Variants in R3HDM1 observed in about 807,000 individuals in gnomAD.
The protein encoded by R3HDM1 is R3H domain-containing protein 1.
Under a neutral mutation model 141.1 loss-of-function variants are expected in R3HDM1, and 46 were observed. That is an observed-to-expected ratio of 0.33 (90% CI 0.26 to 0.42). The LOEUF is 0.42. R3HDM1 is among the 10% of genes least tolerant of loss of function. The pLI is 1.00. For synonymous variants in R3HDM1, 435 were observed against 472.9 expected (o/e 0.92, Z 1.04); for missense variants, 1,184 against 1,368.3 (o/e 0.87, Z 2.12).
rs184447551 is a variant in R3HDM1, at chr2:135,702,436, G to A, written c.2460-6997G>A. On this transcript the variant is annotated intron_variant, in intron 21 of 26. Coordinates refer to ENST00000683871, the MANE Select transcript of R3HDM1 (RefSeq NM_001378107.1). ...AGCACTTTGGAAGGCCAAGGCTGGC[G>A]GATCACAAGGTCAGGAGATCGAGAC... Among the ~76,000 whole-genome samples the A allele has an allele frequency of 4.0e-3, 615 of 152,014 alleles. 4 individuals are homozygous for A. The highest frequency in any genetic ancestry group is 0.014 in the African/African-American group (583 of 41,454).
intron 26 of R3HDM1, among the ~76,000 whole-genome samples, chr2:135,722,780 C>T (rs576010882): frequency 2.0e-4 from 30 of 152,144 alleles, no homozygotes; most frequent in African/African-American, 6.0e-4. Flanking sequence ...ACAGAGGGGC[C>T]ACAGGGAAAT....
intron 1 of R3HDM1, among the ~76,000 whole-genome samples, chr2:135,556,923 C>T (rs1333497857): frequency 1.3e-5 from 2 of 152,040 alleles, no homozygotes; most frequent in African/African-American, 2.4e-5. Flanking sequence ...TTATCAGCTA[C>T]CTGTTTACCT....
In R3HDM1 at chr2:135,582,872, A is replaced by G. The variant is rs186413446; in HGVS notation, c.-249-19628A>G. Among the ~76,000 whole-genome samples the G allele has an allele frequency of 4.4e-3, 668 of 152,332 alleles. 4 individuals carry two copies. The highest frequency in any genetic ancestry group is 0.015 in the African/African-American group (634 of 41,558). Reference sequence around the variant, plus strand: ...AATGTTTTAAATTCTTAATAAATAAAAAATGCTGCAGTAAATATAGATCTT... The same window carrying G: ...AATGTTTTAAATTCTTAATAAATAAGAAATGCTGCAGTAAATATAGATCTT... On this transcript the variant is annotated intron_variant, in intron 1 of 26. Transcript: ENST00000683871.
At chr2:135,682,649 A>G (rs2070528113) in intron 21 of R3HDM1, among the ~76,000 whole-genome samples, 2 of 152,266 alleles carry the variant, frequency 1.3e-5, no homozygotes, top group South Asian at 4.1e-4. Context: ...CCTGCAGCAC[A>G]GAAATTAAAA....
chr2:135,622,835 A>G, intron 7 of R3HDM1, 103 bp downstream of exon 7: 1 of 1,359,364 alleles, frequency 7.4e-7, no homozygotes, highest in East Asian at 2.7e-5. Flanking sequence ...GATTGCAGAT[A>G]TTTGAAGTAC....
intron 4 of R3HDM1, 93 bp from the exon 5 acceptor site, chr2:135,616,575 A>AC (rs1333434107): frequency 9.5e-7 from 1 of 1,056,280 alleles, no homozygotes. Flanking sequence ...CATGGCAGAA[A>AC]CTATAAAGAA....
chr2:135,555,083 C>T (rs150274636), intron 1 of R3HDM1, among the ~76,000 whole-genome samples: 20 of 152,094 alleles, frequency 1.3e-4, no homozygotes, highest in African/African-American at 3.6e-4. Flanking sequence ...GGGCGGATCA[C>T]GAGGTCAAGA....
chr2:135,536,547 TTAGG>T (rs1372459356), intron 1 of R3HDM1: 1 of 927,272 alleles, frequency 1.1e-6, no homozygotes, highest in Non-Finnish European at 1.3e-6. Context: ...GCAAAAGAAA[TTAGG>T]TAGAGAAAAT....
At chr2:135,572,798 C>T (rs1210206916) in intron 1 of R3HDM1, among the ~76,000 whole-genome samples, 3 of 152,148 alleles carry the variant, frequency 2.0e-5, no homozygotes, top group African/African-American at 7.2e-5. Context: ...AAATGTGTAT[C>T]CATGAAATGG....
intron 19 of R3HDM1, chr2:135,669,613 AGTAAATTTTAGAATCAGACAGCTGTGT>A (rs1559391216): frequency 1.0e-6 from 1 of 969,578 alleles, no homozygotes; most frequent in Non-Finnish European, 1.2e-6. Flanking sequence ...TCCTCAAAAA[AGTAAATTTTAGAATCAGACAGCTGTGT>A]GCAGCTCTCA....
intron 1 of R3HDM1, among the ~76,000 whole-genome samples, chr2:135,601,717 C>T (rs564912951): frequency 1.3e-5 from 2 of 152,312 alleles, no homozygotes; most frequent in African/African-American, 2.4e-5. Context: ...GCCATCCAGA[C>T]TGGAGTGCAG....
chr2:135,637,142 G>GAAT (rs1345352744), intron 11 of R3HDM1, among the ~76,000 whole-genome samples: 1 of 152,150 alleles, frequency 6.6e-6, no homozygotes, highest in Non-Finnish European at 1.5e-5. Flanking sequence ...TGCCCTTGAT[G>GAAT]AATAGCCAAG....
intron 1 of R3HDM1, among the ~76,000 whole-genome samples, chr2:135,569,516 G>A (rs1468464129): frequency 6.6e-6 from 1 of 151,770 alleles, no homozygotes; most frequent in South Asian, 2.1e-4. Context: ...AGAGAAATAG[G>A]TAGTATATCA....
rs189288088 is a variant in R3HDM1 at position 135,693,333 on chromosome 2, A to G, written c.2459+13009A>G. ...TTTGCCTATAGGCCATAGTTTGCCAACTCCTGTACTAGATGGTTGATAGCC... is the reference window on the plus strand; with the variant it reads ...TTTGCCTATAGGCCATAGTTTGCCAGCTCCTGTACTAGATGGTTGATAGCC... On this transcript the variant is annotated intron_variant, in intron 21 of 26. Coordinates refer to ENST00000683871, the MANE Select transcript of R3HDM1 (RefSeq NM_001378107.1). Among the ~76,000 whole-genome samples, 6 of 152,126 alleles carry G rather than the reference A, an allele frequency of 3.9e-5. No homozygotes were observed. In the East Asian group the frequency reaches 7.7e-4, roughly 20 times the overall value.
chr2:135,548,319 A>T (rs757468598), intron 1 of R3HDM1, among the ~76,000 whole-genome samples: 2 of 152,152 alleles, frequency 1.3e-5, no homozygotes, highest in Admixed American at 1.3e-4. Flanking sequence ...TCCATGTTTT[A>T]TGCATTTTAA....
intron 21 of R3HDM1, among the ~76,000 whole-genome samples, chr2:135,706,227 G>T (rs2074892549): frequency 6.6e-6 from 1 of 151,668 alleles, no homozygotes; most frequent in South Asian, 2.1e-4. Context: ...ACAGCAGTTT[G>T]TCTGGCTCTA....
At chr2:135,607,661 C>G (rs146449584) in intron 3 of R3HDM1, among the ~76,000 whole-genome samples, 7 of 152,310 alleles carry the variant, frequency 4.6e-5, no homozygotes, top group Non-Finnish European at 7.4e-5. Context: ...CCTAATATTT[C>G]TTTTCCTAGA....
chr2:135,585,680 T>G (rs1256383696), intron 1 of R3HDM1, among the ~76,000 whole-genome samples: 1 of 152,226 alleles, frequency 6.6e-6, no homozygotes, highest in Non-Finnish European at 1.5e-5. Context: ...AATTTGGTTT[T>G]GGTTGATTCC....
intron 3 of R3HDM1, among the ~76,000 whole-genome samples, chr2:135,612,347 A>T (rs1450209727): frequency 6.6e-6 from 1 of 152,158 alleles, no homozygotes; most frequent in African/African-American, 2.4e-5. Flanking sequence ...TAACCATTAT[A>T]ATTTTTCTTC....
Sources: allele counts gnomAD v4.1 joint callset (sites outside exome capture counted in the v4.1 genomes callset), GRCh38; gene constraint gnomAD v4.1.1; transcripts MANE v1.5; gene names NCBI Gene and HGNC (gene_info 2026-07-23, HGNC 2026-07-21).